Variants in SGIP1 observed in about 807,000 individuals in gnomAD.
SGIP1 encodes SH3GL interacting endocytic adaptor 1.
In SGIP1, 38 loss-of-function variants were observed where a neutral mutation model predicts 107.5. That is an observed-to-expected ratio of 0.35 (90% confidence interval 0.27 to 0.46). The LOEUF is 0.46. SGIP1 is among the 20% of genes least tolerant of loss of function. The probability of loss-of-function intolerance (pLI) is 1.00; values close to 1 mark genes in which losing one functional copy is unlikely to be tolerated. For missense variants in SGIP1, 929 were observed against 1,019.5 expected (o/e 0.91, Z 1.21); for synonymous variants, 365 against 366.1 (o/e 1.00, Z 0.03).
intron 18 of SGIP1, among the ~76,000 whole-genome samples, chr1:66,700,975 T>C (rs1459257824): frequency 6.6e-6 from 1 of 152,196 alleles, no homozygotes; most frequent in African/African-American, 2.4e-5. Flanking sequence ...AGGAGCTACA[T>C]TTTTTCTTTT....
chr1:66,662,427 A>T (rs2081690269), intron 8 of SGIP1, among the ~76,000 whole-genome samples: 1 of 152,242 alleles, frequency 6.6e-6, no homozygotes, highest in African/African-American at 2.4e-5. Flanking sequence ...GTTGGAAATG[A>T]TAAACATATT....
intron 22 of SGIP1, 126 bp from the exon 23 acceptor site, chr1:66,740,532 T>TAG: frequency 3.0e-6 from 2 of 670,360 alleles, no homozygotes; most frequent in African/African-American, 1.8e-5. Context: ...ACAGGGAATT[T>TAG]TTAAATTGTA....
intron 8 of SGIP1, among the ~76,000 whole-genome samples, chr1:66,663,021 A>G (rs960595363): frequency 6.6e-6 from 1 of 152,168 alleles, no homozygotes; most frequent in Non-Finnish European, 1.5e-5. Context: ...TTGGTTGTGC[A>G]GTTAAAAACG....
chr1:66,620,985 G>A (rs1277725285), intron 1 of SGIP1, among the ~76,000 whole-genome samples: 2 of 152,166 alleles, frequency 1.3e-5, no homozygotes, highest in African/African-American at 4.8e-5. Flanking sequence ...ATGCAACATG[G>A]GGAGGTGAAA....
rs909810328 is a variant in SGIP1 at position 66,729,416 on chromosome 1, G to C, written c.1895G>C (p.Cys632Ser). 4 of 1,614,036 alleles carry C rather than the reference G, an allele frequency of 2.5e-6. No homozygotes were observed. The highest frequency in any genetic ancestry group is 2.5e-6 in the Non-Finnish European group (3 of 1,179,964). ...GTCCTGCCAAACCCCCAACTTCTCT[G>C]CTGGTAAATATGATTTTGCATAAAT... is the stretch of plus-strand genomic sequence containing the variant. ...EHVLPNPQLL[C>S]CDNTQNDANT... Residue 632 changes from cysteine (C) to serine (S), a missense_variant, in exon 20 of 25, where the codon TGC becomes TCC. This residue lies in a region of SGIP1 where 341 missense variants were observed against 430.9 expected (regional missense o/e 0.79). Coordinates refer to ENST00000371037, the MANE Select transcript of SGIP1 (RefSeq NM_032291.4).
chr1:66,689,703 A>C (rs1039176602), intron 16 of SGIP1, among the ~76,000 whole-genome samples: 9 of 152,250 alleles, frequency 5.9e-5, no homozygotes, highest in African/African-American at 7.2e-5. Context: ...AATTTGTTGC[A>C]GAAGTTTCTT....
intron 17 of SGIP1, 160 bp from the exon 18 acceptor site, chr1:66,695,274 G>A: frequency 1.1e-6 from 1 of 920,608 alleles, no homozygotes. Flanking sequence ...AAAAAAAAGT[G>A]TAGATTGCCA....
intron 9 of SGIP1, among the ~76,000 whole-genome samples, chr1:66,670,202 C>A (rs1256985502): frequency 6.6e-6 from 1 of 152,198 alleles, no homozygotes; most frequent in East Asian, 1.9e-4. Flanking sequence ...ACACTAAGAA[C>A]TTTTCACAAC....
intron 1 of SGIP1, among the ~76,000 whole-genome samples, chr1:66,548,520 A>C (rs2056837167): frequency 6.6e-6 from 1 of 152,226 alleles, no homozygotes; most frequent in South Asian, 2.1e-4. Context: ...GATATTAGAG[A>C]TCCAAGGGTA....
At chr1:66,566,676 C>T (rs929706752) in intron 1 of SGIP1, among the ~76,000 whole-genome samples, 3 of 151,824 alleles carry the variant, frequency 2.0e-5, no homozygotes, top group African/African-American at 7.3e-5. Context: ...TTTTGCCTTC[C>T]TCAGATGCAT....
chr1:66,539,756 G>A (rs1340473477), intron 1 of SGIP1, among the ~76,000 whole-genome samples: 1 of 152,090 alleles, frequency 6.6e-6, no homozygotes, highest in Admixed American at 6.6e-5. Flanking sequence ...ATTCTCTTGT[G>A]GTCCCAGCAA....
intron 15 of SGIP1, 70 bp from the exon 16 acceptor site, chr1:66,689,078 C>A: frequency 6.7e-7 from 1 of 1,503,244 alleles, no homozygotes; most frequent in African/African-American, 1.4e-5. Flanking sequence ...CCGGGACTGG[C>A]ATTATACTGT....
intron 1 of SGIP1, among the ~76,000 whole-genome samples, chr1:66,623,879 G>T (rs11208928): frequency 0.36 from 54,937 of 151,798 alleles, 10,333 homozygotes; most frequent in African/African-American, 0.47. Flanking sequence ...TTTTTTCACT[G>T]GAAAGTGGAC....
chr1:66,663,111 G>A (rs1474245294), intron 8 of SGIP1, among the ~76,000 whole-genome samples: 4 of 151,984 alleles, frequency 2.6e-5, no homozygotes, highest in African/African-American at 9.7e-5. Flanking sequence ...CTGAAGACCT[G>A]GCAGGACTAA....
chr1:66,669,195 G>T (rs2083233252), intron 9 of SGIP1, among the ~76,000 whole-genome samples: 1 of 152,174 alleles, frequency 6.6e-6, no homozygotes, highest in Admixed American at 6.5e-5. Flanking sequence ...CATTCATGAA[G>T]ACTATTTAAT....
chr1:66,649,091 T>A (rs2078214734), intron 7 of SGIP1, among the ~76,000 whole-genome samples: 1 of 152,220 alleles, frequency 6.6e-6, no homozygotes, highest in African/African-American at 2.4e-5. Flanking sequence ...TTCAGCCTTC[T>A]GACCTAACAG....
At chr1:66,716,159 A>T (rs1170270585) in intron 18 of SGIP1, among the ~76,000 whole-genome samples, 1 of 152,122 alleles carries the variant, frequency 6.6e-6, no homozygotes, top group Non-Finnish European at 1.5e-5. Context: ...ATTTCTGAGC[A>T]CTTTATTCAG....
chr1:66,702,911 G>A (rs2092104428), intron 18 of SGIP1, among the ~76,000 whole-genome samples: 1 of 152,296 alleles, frequency 6.6e-6, no homozygotes, highest in African/African-American at 2.4e-5. Flanking sequence ...TGCAAAAGTA[G>A]ATTCTAGAAC....
At chr1:66,547,814 G>A (rs1287659274) in intron 1 of SGIP1, among the ~76,000 whole-genome samples, 1 of 152,040 alleles carries the variant, frequency 6.6e-6, no homozygotes, top group Non-Finnish European at 1.5e-5. Context: ...GGTGGAGAAT[G>A]GGAGGGGTGG....
Sources: gnomAD v4.1 joint callset for allele counts (sites outside exome capture counted in the v4.1 genomes callset) on GRCh38, gnomAD v4.1.1 for gene constraint, gnomAD v4.1.1 regional missense constraint, MANE v1.5 for transcripts, NCBI Gene and HGNC (gene_info 2026-07-23, HGNC 2026-07-21) for gene names.